The following MRNIP variants were observed in gnomAD, a reference collection of about 807,000 sequenced individuals.
MRNIP encodes the protein MRN complex interacting protein.
Under a neutral mutation model 29.8 loss-of-function variants are expected in MRNIP, and 30 were observed. The observed-to-expected ratio is 1.01, with a 90% CI of 0.75 to 1.36. The LOEUF (loss-of-function observed/expected upper bound fraction) is 1.36. MRNIP is among the 40% of genes most tolerant of loss of function. MRNIP has a pLI of 0.00. For synonymous variants in MRNIP, 201 were observed against 164.1 expected (o/e 1.23, Z -1.72); for missense variants, 459 against 423.5 (o/e 1.08, Z -0.74).
intron 3 of MRNIP, among the ~76,000 whole-genome samples, chr5:179,846,353 G>A (rs1338192057): frequency 1.3e-5 from 2 of 151,400 alleles, no homozygotes; most frequent in Admixed American, 1.3e-4. Context: ...GCACCACCTC[G>A]GAACACTGCA....
At chr5:179,843,795 G>T (rs1351152078) in intron 4 of MRNIP, among the ~76,000 whole-genome samples, 1 of 152,018 alleles carries the variant, frequency 6.6e-6, no homozygotes, top group Admixed American at 6.6e-5. Flanking sequence ...AACAAGGAAA[G>T]ATGGAAACCC....
intron 2 of MRNIP, chr5:179,851,092 G>A (rs1759348218): frequency 2.5e-6 from 1 of 395,364 alleles, no homozygotes; most frequent in South Asian, 1.8e-5. Context: ...CACAATTTTG[G>A]TGTGTTTGTT....
intron 6 of MRNIP, chr5:179,840,526 G>A (rs1269883378): frequency 1.4e-5 from 6 of 440,978 alleles, no homozygotes; most frequent in African/African-American, 4.0e-5. Flanking sequence ...AGGGCGGCCC[G>A]CTGACGACTC....
intron 1 of MRNIP, among the ~76,000 whole-genome samples, chr5:179,858,212 A>G (rs1427593662): frequency 1.3e-5 from 2 of 152,142 alleles, no homozygotes; most frequent in African/African-American, 4.8e-5. Context: ...AGGGAGGCAA[A>G]TATGTCCTAG....
At chr5:179,852,750 G>A (rs1759422075) in intron 2 of MRNIP, among the ~76,000 whole-genome samples, 1 of 152,188 alleles carries the variant, frequency 6.6e-6, no homozygotes, top group South Asian at 2.1e-4. Context: ...GGCTGGAGCA[G>A]GAAAAGAGCA....
Position 179,841,967 on chromosome 5 carries a change from T to TAAAC in MRNIP, c.388_389insGTTT (p.Gln130ArgfsTer20). On this transcript the variant is annotated frameshift_variant, in exon 5 of 7. Coordinates refer to ENST00000292586, the MANE Select transcript of MRNIP (RefSeq NM_016175.4). LOFTEE classifies it high-confidence loss of function. ...TGGCTCCTCCATTTTGGATGAAGGC[T>TAAAC]GTTTGCTGAAACACACTCCTGTTCC... 1 of 1,614,196 alleles carries TAAAC rather than the reference T, an allele frequency of 6.2e-7. No homozygotes were observed. Among genetic ancestry groups the TAAAC allele is most frequent in the East Asian group, 2.2e-5 (1 of 44,890 alleles).
In MRNIP at chr5:179,841,987, T is replaced by C. The variant is rs929586318; in HGVS notation, c.369A>G (p.Thr123=). The stretch of plus-strand genomic sequence containing the variant: ...AAGGCTGTTTGCTGAAACACACTCC[T>C]GTTCCTTCCAGCTCCAGTTCTTGGG... ...KDSQELELEG[T]GVCFSKQPSS... The change falls in exon 5 of 7, where the codon ACA becomes ACG. Residue 123 remains threonine (T), a synonymous_variant. Coordinates refer to ENST00000292586, the MANE Select transcript of MRNIP (RefSeq NM_016175.4). The C allele has an allele frequency of 4.3e-6, 7 of 1,613,974 alleles. No individual in the cohort carries two copies. Among genetic ancestry groups the C allele is most frequent in the East Asian group, 2.2e-5 (1 of 44,882 alleles).
intron 1 of MRNIP, among the ~76,000 whole-genome samples, chr5:179,855,835 T>G (rs1044621463): frequency 6.6e-5 from 10 of 152,066 alleles, no homozygotes; most frequent in African/African-American, 2.4e-4. Context: ...CAATTTTACT[T>G]CTCAGCTTCT....
intron 1 of MRNIP, 102 bp downstream of exon 1, chr5:179,858,629 C>G (rs757447643): frequency 2.0e-4 from 150 of 732,034 alleles, no homozygotes; most frequent in Non-Finnish European, 3.2e-4. Flanking sequence ...CCTTCGGGCC[C>G]GGTGCATCCC....
rs1758653231 is a variant in MRNIP at position 179,837,596 on chromosome 5, A to C, written c.827T>G (p.Leu276Arg). 6.2e-7 allele frequency: 1 copy of C among 1,614,010 alleles called. No homozygotes were observed. Among genetic ancestry groups the C allele is most frequent in the South Asian group, 1.1e-5 (1 of 91,088 alleles). ...TPRAQASREG[L>R]SRPTAAVQLP... Reference sequence around the variant, plus strand: ...CTGGACAGCGGCAGTGGGCCTGCTGAGGCCTTCTCTTGAGGCCTGTGCTCT... The same window carrying C: ...CTGGACAGCGGCAGTGGGCCTGCTGCGGCCTTCTCTTGAGGCCTGTGCTCT... The change falls in exon 7 of 7, where the codon CTC (leucine) becomes CGC (arginine). Residue 276 changes from leucine to arginine, a missense_variant. Leu to Arg is a moderately radical substitution (Grantham distance 102, BLOSUM62 -2). Transcript: ENST00000292586.
At chr5:179,851,168 A>C (rs1759350815) in intron 2 of MRNIP, 4 of 452,710 alleles carry the variant, frequency 8.8e-6, no homozygotes, top group Admixed American at 7.1e-5. Flanking sequence ...GGGAGTAAGA[A>C]GGCTTCCTCA....
At chr5:179,845,598 C>T (rs1316873602) in intron 3 of MRNIP, among the ~76,000 whole-genome samples, 4 of 151,662 alleles carry the variant, frequency 2.6e-5, no homozygotes, top group Admixed American at 6.6e-5. Flanking sequence ...CAGGCTCAAG[C>T]GATTCTTATG....
intron 3 of MRNIP, chr5:179,847,340 T>C (rs1759181210): frequency 6.6e-6 from 1 of 152,062 alleles, no homozygotes; most frequent in South Asian, 2.1e-4. Flanking sequence ...GCTAATTTTT[T>C]TGTATTTTTA....
intron 2 of MRNIP, 169 bp downstream of exon 2, chr5:179,853,209 T>C: frequency 2.0e-6 from 3 of 1,534,558 alleles, no homozygotes; most frequent in Non-Finnish European, 2.6e-6. Flanking sequence ...TTCCAGATTC[T>C]GCTCCATCCA....
intron 2 of MRNIP, chr5:179,851,485 G>C: frequency 2.2e-6 from 1 of 447,334 alleles, no homozygotes; most frequent in Non-Finnish European, 4.6e-6. Context: ...GGGAGAAGCT[G>C]GGTGATGGGC....
chr5:179,849,320 G>A (rs1397809726), intron 2 of MRNIP, among the ~76,000 whole-genome samples: 1 of 150,526 alleles, frequency 6.6e-6, no homozygotes, highest in East Asian at 2.0e-4. Context: ...GAGACCATGG[G>A]TCCTGCTATG....
At chr5:179,851,089 T>C (rs374265787) in intron 2 of MRNIP, 3 of 394,284 alleles carry the variant, frequency 7.6e-6, no homozygotes, top group East Asian at 1.4e-4. Context: ...CACCACAATT[T>C]TGGTGTGTTT....
Position 179,852,504 on chromosome 5 carries a change from G to A in MRNIP, c.126+874C>T, listed in dbSNP as rs535214184. 6.6e-5 allele frequency among the ~76,000 whole-genome samples: 10 copies of A among 152,180 alleles called. 1 individual carries two copies. The highest frequency in any genetic ancestry group is 2.6e-4 in the Admixed American group (4 of 15,288). The stretch of plus-strand genomic sequence containing the variant: ...CACCGAGCACTGTGCTAGGTGCTGC[G>A]GATACACCAGCAAATAAAAAGCCTC... On this transcript the variant is annotated intron_variant, in intron 2 of 6. Coordinates refer to ENST00000292586, the MANE Select transcript of MRNIP (RefSeq NM_016175.4).
intron 2 of MRNIP, among the ~76,000 whole-genome samples, chr5:179,849,214 C>G (rs1310777598): frequency 4.7e-5 from 6 of 128,542 alleles, no homozygotes; most frequent in African/African-American, 6.2e-5. Flanking sequence ...GAATTTGAGA[C>G]CATGGGTCCT....
Sources: gnomAD v4.1 joint callset for allele counts (sites outside exome capture counted in the v4.1 genomes callset) on GRCh38, gnomAD v4.1.1 for gene constraint, MANE v1.5 for transcripts, NCBI Gene and HGNC (gene_info 2026-07-23, HGNC 2026-07-21) for gene names.